PPP2R2B: variants seen among roughly 807,000 people sequenced by gnomAD.
The protein encoded by PPP2R2B is protein phosphatase 2 regulatory subunit Bbeta, also known as serine/threonine-protein phosphatase 2A 55 kDa regulatory subunit B beta isoform.
In PPP2R2B, 5 loss-of-function variants were observed where a neutral mutation model predicts 46.0. The observed-to-expected ratio is 0.11, with a 90% CI of 0.06 to 0.23. The LOEUF is 0.23. PPP2R2B is among the 10% of genes least tolerant of loss of function. The pLI is 1.00. For missense variants in PPP2R2B, 367 were observed against 575.0 expected (o/e 0.64, Z 3.70); for synonymous variants, 215 against 206.7 (o/e 1.04, Z -0.34).
chr5:146,992,358 T>G (rs1283714440), intron 1 of PPP2R2B, among the ~76,000 whole-genome samples: 2 of 152,262 alleles, frequency 1.3e-5, no homozygotes, highest in African/African-American at 4.8e-5. Context: ...TGTAGTTCTC[T>G]TTCAGCACTT....
chr5:146,620,075 C>CA (rs1255388685), intron 7 of PPP2R2B, among the ~76,000 whole-genome samples: 1 of 152,138 alleles, frequency 6.6e-6, no homozygotes, highest in African/African-American at 2.4e-5. Context: ...GCTGAGGAAA[C>CA]AGAGGCTTGG....
chr5:146,847,557 A>AC lies in PPP2R2B; in HGVS notation c.70+30444dup, dbSNP rs779220803. ...GGAAAGCATCTCCTGGCCTCCAGGA[A>AC]CCCACCACAGGGCTTGTGCTCTGTT... On this transcript the variant is annotated intron_variant, in intron 2 of 9. Coordinates refer to ENST00000394411, the MANE Select transcript of PPP2R2B (RefSeq NM_181675.4). 3.3e-5 allele frequency among the ~76,000 whole-genome samples: 5 copies of AC among 152,188 alleles called. No individual in the cohort carries two copies. The South Asian group carries it at 1.0e-3, about 32-fold the overall frequency.
chr5:146,653,844 C>T (rs1266577897), intron 5 of PPP2R2B, among the ~76,000 whole-genome samples: 2 of 152,014 alleles, frequency 1.3e-5, no homozygotes, highest in Admixed American at 6.6e-5. Flanking sequence ...TCAGATAAGA[C>T]AGGGGGGATG....
rs1770181149 is a variant in PPP2R2B, at chr5:146,586,693, A to G, written c.*3254T>C. 6.6e-6 allele frequency: 1 copy of G among 152,182 alleles called. No individual in the cohort carries two copies. The allele number at this position is 152,182 out of a possible 1,614,324, so 9.4% of individuals were successfully genotyped here. ...AGAAGTTGATTTGGTTGAATTAATTACAAGATCAATGAGAGGTTTAAAGGT... is the reference window on the plus strand; with the variant it reads ...AGAAGTTGATTTGGTTGAATTAATTGCAAGATCAATGAGAGGTTTAAAGGT... On this transcript the variant is annotated 3_prime_UTR_variant, in exon 10 of 10. Coordinates refer to ENST00000394411, the MANE Select transcript of PPP2R2B (RefSeq NM_181675.4).
At chr5:146,706,631 C>A in intron 2 of PPP2R2B, 1 of 815,634 alleles carries the variant, frequency 1.2e-6, no homozygotes, top group Admixed American at 1.8e-5. Context: ...CGATGCCGGC[C>A]TCCAGGGAAA....
intron 1 of PPP2R2B, among the ~76,000 whole-genome samples, chr5:146,894,409 C>T (rs1426638270): frequency 6.6e-6 from 1 of 152,120 alleles, no homozygotes; most frequent in African/African-American, 2.4e-5. Flanking sequence ...ATTTATAGGC[C>T]TTGCCAAACA....
exon 1 of PPP2R2B, chr5:147,055,934 CTTACAT>C (rs1757068209): frequency 7.1e-7 from 1 of 1,414,448 alleles, no homozygotes; most frequent in African/African-American, 1.4e-5. Flanking sequence ...GAAGCACTGC[CTTACAT>C]TTCTGCATGC....
chr5:147,042,387 A>T (rs2151897638), intron 1 of PPP2R2B, among the ~76,000 whole-genome samples: 1 of 152,228 alleles, frequency 6.6e-6, no homozygotes, highest in African/African-American at 2.4e-5. Context: ...GTACAACAAC[A>T]GGGTGGGGGA....
At position 146,589,576 on chromosome 5, in the gene PPP2R2B, A is replaced by AACTT. The variant is rs1487716816; in HGVS notation, c.*367_*370dup. On this transcript the variant is annotated 3_prime_UTR_variant, in exon 10 of 10. Transcript: ENST00000394411. Reference sequence around the variant, plus strand: ...CAAATGGAATTGCTTAATTAAAAAAAACTTATCTCTTTTCTCCTTAAATAC... The same window carrying AACTT: ...CAAATGGAATTGCTTAATTAAAAAAAACTTACTTATCTCTTTTCTCCTTAAATAC... 2.3e-5 allele frequency: 4 copies of AACTT among 170,594 alleles called. No individual in the cohort carries two copies. The highest frequency in any genetic ancestry group is 1.8e-4 in the South Asian group (1 of 5,486). 10.6% of individuals were successfully genotyped at this position (170,594 alleles called of 1,614,324 possible).
At chr5:147,049,941 A>G (rs1756724996) in intron 1 of PPP2R2B, among the ~76,000 whole-genome samples, 1 of 152,162 alleles carries the variant, frequency 6.6e-6, no homozygotes, top group Admixed American at 6.5e-5. Context: ...GGGTGAAGGA[A>G]GATACAGGCT....
chr5:146,804,330 G>A (rs1404818155), intron 2 of PPP2R2B, among the ~76,000 whole-genome samples: 1 of 152,066 alleles, frequency 6.6e-6, no homozygotes, highest in Non-Finnish European at 1.5e-5. Context: ...AAGATGAGAG[G>A]AATCCGATGC....
At chr5:146,592,176 T>C (rs775412342) in intron 9 of PPP2R2B, 6 of 442,368 alleles carry the variant, frequency 1.4e-5, no homozygotes, top group South Asian at 9.8e-5. Flanking sequence ...CTTTGCCACG[T>C]GGAGACTCCT....
At chr5:146,968,123 G>T (rs1457673852) in intron 1 of PPP2R2B, among the ~76,000 whole-genome samples, 2 of 152,122 alleles carry the variant, frequency 1.3e-5, no homozygotes, top group African/African-American at 4.8e-5. Flanking sequence ...TGTCTGTTCT[G>T]GATCACTGAC....
intron 2 of PPP2R2B, among the ~76,000 whole-genome samples, chr5:146,701,716 A>C (rs763625697): frequency 6.6e-6 from 1 of 152,210 alleles, no homozygotes; most frequent in East Asian, 1.9e-4. Context: ...TTGTGAGCCC[A>C]ACACATCCTT....
Position 147,042,103 on chromosome 5 carries a change from C to T in PPP2R2B, c.79+13562G>A, listed in dbSNP as rs145925076. 5.6e-3 allele frequency among the ~76,000 whole-genome samples: 859 copies of T among 152,264 alleles called. 2 individuals are homozygous for T. The highest frequency in any genetic ancestry group is 0.014 in the Middle Eastern group (4 of 294). On this transcript the variant is annotated intron_variant, in intron 1 of 8. Coordinates refer to the PPP2R2B transcript ENST00000336640. The stretch of plus-strand genomic sequence containing the variant: ...GTCCGATTGATAACGCCCAAATCCC[C>T]ACGTCTATCACCTTGTAATAGTCTT...
intron 2 of PPP2R2B, among the ~76,000 whole-genome samples, chr5:146,772,383 C>CATAT (rs33981708): frequency 5.5e-4 from 73 of 133,504 alleles, no homozygotes; most frequent in African/African-American, 8.8e-4. Flanking sequence ...ATAACTTGTG[C>CATAT]ATATATATAT....
intron 2 of PPP2R2B, among the ~76,000 whole-genome samples, chr5:146,858,064 G>A (rs113847944): frequency 1.2e-4 from 18 of 152,292 alleles, no homozygotes; most frequent in African/African-American, 3.8e-4. Flanking sequence ...ACTGTCATGA[G>A]CACATTACAG....
At chr5:146,754,919 G>T (rs1332399613) in intron 2 of PPP2R2B, among the ~76,000 whole-genome samples, 2 of 152,182 alleles carry the variant, frequency 1.3e-5, no homozygotes, top group Non-Finnish European at 2.9e-5. Flanking sequence ...CTTCAGGAGA[G>T]ATCATGAACT....
chr5:146,617,837 G>A (rs976831663), intron 7 of PPP2R2B, among the ~76,000 whole-genome samples: 1 of 152,046 alleles, frequency 6.6e-6, no homozygotes, highest in African/African-American at 2.4e-5. Context: ...TGGGATTACA[G>A]ACGTGTGCCA....
Sources: allele counts gnomAD v4.1 joint callset (sites outside exome capture counted in the v4.1 genomes callset), GRCh38; gene constraint gnomAD v4.1.1; transcripts MANE v1.5; gene names NCBI Gene and HGNC (gene_info 2026-07-23, HGNC 2026-07-21).